Variants in FHIT observed in about 807,000 individuals in gnomAD.
The protein encoded by FHIT is bis(5'-adenosyl)-triphosphatase.
FHIT carries 19 observed loss-of-function variants against 17.9 expected under a neutral mutation model. That is an observed-to-expected ratio of 1.06 (90% CI 0.74 to 1.56). The LOEUF (loss-of-function observed/expected upper bound fraction) is 1.56, where lower values mean the gene tolerates loss of function less well. Ranked by LOEUF, FHIT falls within the 40% of genes most tolerant of loss-of-function variation. FHIT has a pLI of 0.00. For synonymous variants in FHIT, 81 were observed against 69.7 expected, an observed-to-expected ratio of 1.16 and a Z score of -0.81; for missense variants, 248 against 189.2, an observed-to-expected ratio of 1.31 and a Z score of -1.82.
intron 3 of FHIT, among the ~76,000 whole-genome samples, chr3:60,937,816 C>T (rs1196471841): frequency 6.6e-6 from 1 of 152,114 alleles, no homozygotes; most frequent in African/African-American, 2.4e-5. Flanking sequence ...CCTGCCTTAG[C>T]CTCCCAAAGT....
intron 5 of FHIT, among the ~76,000 whole-genome samples, chr3:60,411,196 A>G (rs1295155885): frequency 6.6e-6 from 1 of 152,192 alleles, no homozygotes; most frequent in Non-Finnish European, 1.5e-5. Context: ...TTTACATATT[A>G]GAAAAATCTT....
chr3:60,595,715 C>CT (rs1197079133), intron 4 of FHIT, among the ~76,000 whole-genome samples: 3 of 151,912 alleles, frequency 2.0e-5, no homozygotes, highest in African/African-American at 7.3e-5. Flanking sequence ...GCAGTTATAG[C>CT]TCACTGAAGC....
intron 5 of FHIT, among the ~76,000 whole-genome samples, chr3:60,037,409 G>A (rs1044094241): frequency 3.6e-5 from 5 of 139,900 alleles, no homozygotes; most frequent in Non-Finnish European, 7.6e-5. Flanking sequence ...TTTTTTTTGA[G>A]ACGGAGTCTT....
Position 60,096,344 on chromosome 3 carries a change from T to C in FHIT, c.104-82192A>G, listed in dbSNP as rs554375143. Among the ~76,000 whole-genome samples the C allele has an allele frequency of 8.5e-5, 13 of 152,308 alleles. No individual in the cohort carries two copies. In the South Asian group the frequency reaches 2.5e-3, roughly 29 times the overall value. On this transcript the variant is annotated intron_variant, in intron 5 of 9. Coordinates refer to ENST00000492590, the MANE Select transcript of FHIT (RefSeq NM_002012.4). ...AATTTGTCTGAGTCTGGGGCTTTTA[T>C]AGGCTCAGAATAGGGGAGGGGCAGG...
intron 4 of FHIT, among the ~76,000 whole-genome samples, chr3:60,577,090 A>G (rs1553657884): frequency 1.3e-5 from 2 of 152,150 alleles, no homozygotes; most frequent in African/African-American, 4.8e-5. Context: ...AATAAATAAA[A>G]AGGAGGACAC....
chr3:60,706,480 A>G (rs1166991661), intron 4 of FHIT, among the ~76,000 whole-genome samples: 3 of 152,216 alleles, frequency 2.0e-5, no homozygotes, highest in Non-Finnish European at 4.4e-5. Flanking sequence ...AGTGGTGTTG[A>G]AAGATCATAT....
At chr3:60,428,628 C>A (rs950369893) in intron 5 of FHIT, among the ~76,000 whole-genome samples, 1 of 152,116 alleles carries the variant, frequency 6.6e-6, no homozygotes, top group Non-Finnish European at 1.5e-5. Context: ...GGAAACTTGA[C>A]AGCATAAAGG....
chr3:60,339,488 T>C lies in FHIT; in HGVS notation c.103+197372A>G, dbSNP rs17062793. ...ATGCTCACACTTTGCTCAGCACACA[T>C]AGGCGTTCTGTTGACAGTTGGCTCT... is the stretch of plus-strand genomic sequence containing the variant. On this transcript the variant is annotated intron_variant, in intron 5 of 9. Transcript: ENST00000492590. Among the ~76,000 whole-genome samples the C allele has an allele frequency of 7.5e-3, 1,143 of 152,290 alleles. 9 individuals carry two copies. The highest frequency in any genetic ancestry group is 0.026 in the African/African-American group (1,077 of 41,558).
chr3:60,330,336 G>C (rs1250484333), intron 5 of FHIT, among the ~76,000 whole-genome samples: 1 of 152,116 alleles, frequency 6.6e-6, no homozygotes, highest in Non-Finnish European at 1.5e-5. Context: ...CTCATCATTT[G>C]CTGCTACAGT....
At chr3:60,852,391 T>C (rs1703189649) in intron 3 of FHIT, among the ~76,000 whole-genome samples, 1 of 152,102 alleles carries the variant, frequency 6.6e-6, no homozygotes, top group African/African-American at 2.4e-5. Flanking sequence ...TCTATACATA[T>C]GGATACACAC....
chr3:60,206,266 C>G (rs17062458), intron 5 of FHIT, among the ~76,000 whole-genome samples: 4,015 of 151,938 alleles, frequency 0.026, 183 homozygotes, highest in African/African-American at 0.091. Context: ...CAAGAGGGCA[C>G]CATATTTCTC....
At chr3:60,860,463 TATATATGTATATATGATACATATGTATC>T in intron 3 of FHIT, among the ~76,000 whole-genome samples, 1 of 131,650 alleles carries the variant, frequency 7.6e-6, no homozygotes, top group Non-Finnish European at 1.6e-5. Flanking sequence ...CATATGTACA[TATATATGTATATATGATACATATGTATC>T]ATATATATCA....
At chr3:60,696,479 G>C (rs908438407) in intron 4 of FHIT, among the ~76,000 whole-genome samples, 1 of 152,098 alleles carries the variant, frequency 6.6e-6, no homozygotes, top group Non-Finnish European at 1.5e-5. Context: ...CTATTTCCTA[G>C]AACATCCAGA....
chr3:60,622,902 C>T (rs1248830534), intron 4 of FHIT, among the ~76,000 whole-genome samples: 1 of 152,232 alleles, frequency 6.6e-6, no homozygotes, highest in Non-Finnish European at 1.5e-5. Flanking sequence ...CTCCCAGGCT[C>T]CTGCACCCAA....
chr3:61,060,173 G>A (rs191370340), intron 2 of FHIT, among the ~76,000 whole-genome samples: 6 of 151,988 alleles, frequency 3.9e-5, no homozygotes, highest in South Asian at 2.1e-4. Context: ...TATATAGTTC[G>A]CATAGATTTC....
intron 2 of FHIT, among the ~76,000 whole-genome samples, chr3:61,145,303 C>G (rs1211560337): frequency 6.6e-6 from 1 of 152,050 alleles, no homozygotes; most frequent in East Asian, 1.9e-4. Flanking sequence ...TAATATTTCT[C>G]CTATTGAATT....
At chr3:60,012,794 C>G (rs1431768874) in intron 6 of FHIT, among the ~76,000 whole-genome samples, 2 of 152,138 alleles carry the variant, frequency 1.3e-5, no homozygotes, top group Non-Finnish European at 2.9e-5. Flanking sequence ...TAGGTGCTAA[C>G]ACAAGTCAGC....
At chr3:59,875,968 G>T (rs997344297) in intron 8 of FHIT, among the ~76,000 whole-genome samples, 3 of 147,356 alleles carry the variant, frequency 2.0e-5, no homozygotes, top group African/African-American at 5.0e-5. Context: ...AAAAAAAAAA[G>T]ATTTTAGTTC....
intron 5 of FHIT, among the ~76,000 whole-genome samples, chr3:60,259,363 AT>A (rs1706181396): frequency 6.6e-6 from 1 of 152,156 alleles, no homozygotes; most frequent in African/African-American, 2.4e-5. Context: ...GGGGAAAGCT[AT>A]GGAATCTTGA....
Sources: allele counts gnomAD v4.1 joint callset (sites outside exome capture counted in the v4.1 genomes callset), GRCh38; gene constraint gnomAD v4.1.1; transcripts MANE v1.5; gene names NCBI Gene and HGNC (gene_info 2026-07-23, HGNC 2026-07-21).